HEXD: variants seen among roughly 807,000 people sequenced by gnomAD.
The protein encoded by HEXD is hexosaminidase D, also known as N-acetyl-beta-galactosaminidase.
In HEXD, 47 loss-of-function variants were observed where a neutral mutation model predicts 54.2. The observed-to-expected ratio is 0.87, with a 90% confidence interval of 0.69 to 1.11. The LOEUF is 1.11. Among genes scored for constraint, HEXD ranks in the 50% least tolerant of loss-of-function variants. HEXD has a pLI of 0.00. For synonymous variants in HEXD, 293 were observed against 287.6 expected (o/e 1.02, Z -0.19); for missense variants, 576 against 649.2 (o/e 0.89, Z 1.23).
chr17:82,429,007 C>T (rs1015361081), intron 4 of HEXD, among the ~76,000 whole-genome samples: 1 of 152,148 alleles, frequency 6.6e-6, no homozygotes, highest in African/African-American at 2.4e-5. Context: ...CAGTAGTAAT[C>T]CCAGCACTTT....
intron 3 of HEXD, 139 bp from the exon 4 acceptor site, chr17:82,428,419 C>A: frequency 1.6e-6 from 1 of 629,758 alleles, no homozygotes; most frequent in Non-Finnish European, 2.8e-6. Flanking sequence ...ATCAGGATAC[C>A]TGTCAAGCTT....
chr17:82,436,725 T>C lies in HEXD; in HGVS notation c.690T>C (p.Asp230=), dbSNP rs374042301. ...TCTGGGACTACACGGCCGACCTGGA[T>C]GTGCACGGCAAGGGTCAGTGCCAAG... ...PVLWDYTADL[D]VHGKVLLMQK... The change falls in exon 7 of 13, where the codon GAT becomes GAC. Residue 230 remains aspartate, a synonymous_variant. Transcript: ENST00000327949. 148 of 1,612,444 alleles carry C rather than the reference T, an allele frequency of 9.2e-5. No individual in the cohort carries two copies. The highest frequency in any genetic ancestry group is 1.2e-4 in the Non-Finnish European group (140 of 1,179,614).
At position 82,431,341 on chromosome 17, in the gene HEXD, T is replaced by G. The variant is rs2143510581; in HGVS notation, c.283-2317T>G. Among the ~76,000 whole-genome samples the G allele has an allele frequency of 2.6e-5, 4 of 152,146 alleles. 1 individual carries two copies. Among genetic ancestry groups the G allele is most frequent in the Admixed American group, 2.6e-4 (4 of 15,266 alleles). ...AATTTTTTTTGTTCATTTTCCTTTTTGTGAAGAGTGGGGTCTCACTATGTT... is the reference window on the plus strand; with the variant it reads ...AATTTTTTTTGTTCATTTTCCTTTTGGTGAAGAGTGGGGTCTCACTATGTT... On this transcript the variant is annotated intron_variant, in intron 4 of 12. Transcript: ENST00000327949.
rs906615463 is a variant in HEXD at position 82,418,521 on chromosome 17, G to A, written c.-271G>A. On this transcript the variant is annotated 5_prime_UTR_variant, in exon 1 of 13. Coordinates refer to ENST00000327949, the MANE Select transcript of HEXD (RefSeq NM_001330542.2). ...CGCCGCGGAGCCGGGCCGGACGCGG[G>A]CGCCAGGCCCGGGGACGAACGCCGT... is the stretch of plus-strand genomic sequence containing the variant. 27 of 1,263,492 alleles carry A rather than the reference G, an allele frequency of 2.1e-5. No individual in the cohort carries two copies. The African/African-American group carries it at 3.8e-4, about 18-fold the overall frequency. 78.3% of individuals were successfully genotyped at this position (1,263,492 alleles called of 1,614,324 possible). A position where few individuals can be genotyped will look rare whatever the true frequency, so the allele number is the denominator to read the frequency against.
chr17:82,433,117 TATATATATATA>T (rs1199580713), intron 4 of HEXD, among the ~76,000 whole-genome samples: 4 of 15,058 alleles, frequency 2.7e-4, no homozygotes, highest in African/African-American at 1.5e-3. Flanking sequence ...TATATATATA[TATATATATATA>T]TTTTTTTTTT....
chr17:82,435,810 C>T lies in HEXD; in HGVS notation c.569C>T (p.Pro190Leu), dbSNP rs757297306. The change falls in exon 6 of 13, where the codon CCC (proline) becomes CTC (leucine). Residue 190 changes from proline (P) to leucine (L), a missense_variant. By Grantham distance (98) the Pro-to-Leu change is moderately conservative. Coordinates refer to ENST00000327949, the MANE Select transcript of HEXD (RefSeq NM_001330542.2). ...GCCAGCGGCGTGAAGGCCCGGCGCC[C>T]CAGCGTGACACCCCTGGTGTGGGAC... Reference protein sequence around the residue: ...AVASGVKARRPSVTPLVWDDM... With the variant: ...AVASGVKARRLSVTPLVWDDM... 8 of 1,612,602 alleles carry T rather than the reference C, an allele frequency of 5.0e-6. No homozygotes were observed. The South Asian group carries it at 8.8e-5, about 18-fold the overall frequency.
At chr17:82,424,010 C>T (rs892942959) in intron 2 of HEXD, among the ~76,000 whole-genome samples, 1 of 151,806 alleles carries the variant, frequency 6.6e-6, no homozygotes, top group African/African-American at 2.4e-5. Flanking sequence ...TGCCATTCTC[C>T]TTCAGCCTGG....
chr17:82,435,295 C>T (rs2053727644), intron 5 of HEXD, among the ~76,000 whole-genome samples: 2 of 151,890 alleles, frequency 1.3e-5, no homozygotes, highest in Non-Finnish European at 2.9e-5. Flanking sequence ...CCCGTCTGGG[C>T]ATTCCACGGG....
At position 82,418,580 on chromosome 17, in the gene HEXD, C is replaced by T. The variant is rs1384309334; in HGVS notation, c.-212C>T. The T allele has an allele frequency of 1.4e-5, 8 of 586,968 alleles. No homozygotes were observed. The highest frequency in any genetic ancestry group is 2.0e-5 in the Non-Finnish European group (8 of 409,164). The allele number at this position is 586,968 out of a possible 1,614,324, so 36.4% of individuals were successfully genotyped here. On this transcript the variant is annotated 5_prime_UTR_variant, in exon 1 of 13. The change creates a new upstream start codon in the 5' untranslated region. Coordinates refer to ENST00000327949, the MANE Select transcript of HEXD (RefSeq NM_001330542.2). The stretch of plus-strand genomic sequence containing the variant: ...GCGCGAGGCAGGCACGGCGCAGGGA[C>T]GCGAGTGCGACGCGCTCGGCCATCG...
Position 82,438,387 on chromosome 17 carries a change from G to GAGT in HEXD, c.899+1024_899+1025insAGT, listed in dbSNP as rs2053834522. On this transcript the variant is annotated intron_variant, in intron 8 of 12. Transcript: ENST00000327949. ...AGGACTGTCGGCTGTTGTAGGAGTG[G>GAGT]CCCCTGCAGGTATCTAAGCACTTCC... 2.0e-5 allele frequency among the ~76,000 whole-genome samples: 3 copies of GAGT among 152,158 alleles called. No individual in the cohort carries two copies. In the South Asian group the frequency reaches 6.2e-4, roughly 31 times the overall value.
intron 8 of HEXD, among the ~76,000 whole-genome samples, chr17:82,437,859 T>G (rs1313877757): frequency 6.6e-6 from 1 of 152,150 alleles, no homozygotes; most frequent in African/African-American, 2.4e-5. Flanking sequence ...CCAGCTCTGT[T>G]TTCCGTTTTT....
At chr17:82,436,636 CT>C in intron 6 of HEXD, 30 bp from the exon 7 acceptor site, 1 of 1,587,564 alleles carries the variant, frequency 6.3e-7, no homozygotes, top group Non-Finnish European at 8.6e-7. Context: ...GTCCAGGTGT[CT>C]CACCAACCTC....
In HEXD at chr17:82,442,025, C is replaced by G. The variant is rs1599763711; in HGVS notation, c.1253+136C>G. 7.8e-7 allele frequency: 1 copy of G among 1,280,298 alleles called. No homozygotes were observed. Among genetic ancestry groups the G allele is most frequent in the East Asian group, 2.4e-5 (1 of 42,186 alleles). 79.3% of individuals were successfully genotyped at this position (1,280,298 alleles called of 1,614,324 possible). A position where few individuals can be genotyped will look rare whatever the true frequency, so the allele number is the denominator to read the frequency against. ...AGGCCCTCTGGTCTCAGATGTGCAG[C>G]TGTCACCGACTTGTTCCTCCCGACA... On this transcript the variant is annotated intron_variant, in intron 12 of 12. Transcript: ENST00000327949. This position sits in a 1 kb window ranked among gnomAD's most constrained non-coding sequence, Gnocchi z 6.8.
At chr17:82,433,128 A>ATATATTTTTTT (rs71168109) in intron 4 of HEXD, among the ~76,000 whole-genome samples, 2 of 13,072 alleles carry the variant, frequency 1.5e-4, no homozygotes, top group East Asian at 5.2e-3. Context: ...ATATATATAT[A>ATATATTTTTTT]TTTTTTTTTT....
intron 8 of HEXD, 126 bp from the exon 9 acceptor site, chr17:82,439,505 G>A (rs1001986687): frequency 1.5e-5 from 22 of 1,460,258 alleles, no homozygotes; most frequent in African/African-American, 2.8e-5. Flanking sequence ...TGAGGGGGTC[G>A]GGCTGCCCCC....
chr17:82,439,401 C>T lies in HEXD; in HGVS notation c.900-230C>T, dbSNP rs552175489. 7 of 980,346 alleles carry T rather than the reference C, an allele frequency of 7.1e-6. No homozygotes were observed. The African/African-American group carries it at 1.2e-4, about 17-fold the overall frequency. 60.7% of individuals were successfully genotyped at this position (980,346 alleles called of 1,614,324 possible). A position where few individuals can be genotyped will look rare whatever the true frequency, so the allele number is the denominator to read the frequency against. On this transcript the variant is annotated intron_variant, in intron 8 of 12. Transcript: ENST00000327949. ...TCCGGAGAGCATTGCAGCAAGGAAT[C>T]CCCACGCTCTTCACTTGTCCGGTTT...
chr17:82,431,657 T>C (rs1311115782), intron 4 of HEXD, among the ~76,000 whole-genome samples: 1 of 152,068 alleles, frequency 6.6e-6, no homozygotes, highest in Non-Finnish European at 1.5e-5. Context: ...CCTGAAGTGA[T>C]CTGCCCGCTT....
At position 82,442,222 on chromosome 17, in the gene HEXD, C is replaced by T. The variant is rs116902484; in HGVS notation, c.1299C>T (p.Ala433=). 8,725 of 1,605,086 alleles carry T rather than the reference C, an allele frequency of 5.4e-3. 38 individuals are homozygous for T. Among genetic ancestry groups the T allele is most frequent in the Non-Finnish European group, 6.6e-3 (7,823 of 1,179,698 alleles). ...CCCTCGTGCAGGAGCTGGAGGCTGCCCTGCAGCTGGCTTTCTACCCGGATG... is the reference window on the plus strand; with the variant it reads ...CCCTCGTGCAGGAGCTGGAGGCTGCTCTGCAGCTGGCTTTCTACCCGGATG... ...WSTLVQELEA[A]LQLAFYPDAV... is the part of the protein sequence containing the mutation. The change falls in exon 13 of 13, where the codon GCC becomes GCT. Residue 433 remains alanine, a synonymous_variant. Coordinates refer to ENST00000327949, the MANE Select transcript of HEXD (RefSeq NM_001330542.2). The surrounding 1 kb of genome is among the most constrained non-coding windows in gnomAD (Gnocchi z 6.8).
chr17:82,436,716 C>T lies in HEXD; in HGVS notation c.681C>T (p.Ala227=), dbSNP rs202001979. 4.2e-5 allele frequency: 67 copies of T among 1,612,654 alleles called. 1 individual carries two copies. The East Asian group carries it at 7.6e-4, about 18-fold the overall frequency. ...AGCCGGTGCTCTGGGACTACACGGC[C>T]GACCTGGATGTGCACGGCAAGGGTC... ...LVEPVLWDYT[A]DLDVHGKVLL... Residue 227 remains alanine, a synonymous_variant, in exon 7 of 13, where the codon GCC becomes GCT. Coordinates refer to ENST00000327949, the MANE Select transcript of HEXD (RefSeq NM_001330542.2).
Sources: allele counts gnomAD v4.1 joint callset (sites outside exome capture counted in the v4.1 genomes callset), GRCh38; gene constraint gnomAD v4.1.1; non-coding constraint Gnocchi (gnomAD v3.1); transcripts MANE v1.5; gene names NCBI Gene and HGNC (gene_info 2026-07-23, HGNC 2026-07-21).